Variants in KCND2 observed in about 807,000 individuals in gnomAD.
KCND2 encodes the protein A-type voltage-gated potassium channel KCND2.
A neutral mutation model predicts 54.4 loss-of-function variants in KCND2; 16 were observed. The ratio of observed to expected loss-of-function variants is 0.29; its 90% CI spans 0.20 to 0.45. The LOEUF is 0.45. Ranked by LOEUF, KCND2 falls within the 20% of genes least tolerant of loss-of-function variation. The pLI is 1.00. For missense variants in KCND2, 486 were observed against 824.2 expected (o/e 0.59, Z 5.02); for synonymous variants, 317 against 310.7 (o/e 1.02, Z -0.21).
intron 1 of KCND2, among the ~76,000 whole-genome samples, chr7:120,343,860 T>C (rs1256944612): frequency 6.6e-6 from 1 of 152,220 alleles, no homozygotes; most frequent in Non-Finnish European, 1.5e-5. Flanking sequence ...ATCATATGCA[T>C]GTGCACTTGC....
chr7:120,426,590 T>G (rs1252408808), intron 1 of KCND2, among the ~76,000 whole-genome samples: 12 of 107,974 alleles, frequency 1.1e-4, no homozygotes, highest in African/African-American at 2.3e-4. Flanking sequence ...TTTTCTTTGT[T>G]TTTTTTTTTT....
intron 1 of KCND2, among the ~76,000 whole-genome samples, chr7:120,406,564 G>A (rs1563035958): frequency 6.6e-6 from 1 of 151,940 alleles, no homozygotes; most frequent in Non-Finnish European, 1.5e-5. Flanking sequence ...GTCAACAATA[G>A]AAATATGTAA....
chr7:120,448,105 G>T (rs1465346514), intron 1 of KCND2, among the ~76,000 whole-genome samples: 14 of 152,124 alleles, frequency 9.2e-5, no homozygotes, highest in Non-Finnish European at 1.9e-4. Context: ...GTGTATACAT[G>T]TGCCATGTTG....
At chr7:120,290,836 A>G (rs1056118910) in intron 1 of KCND2, among the ~76,000 whole-genome samples, 2 of 152,018 alleles carry the variant, frequency 1.3e-5, no homozygotes, top group African/African-American at 4.8e-5. Context: ...CAGGGTCACC[A>G]GTAATGGGTG....
At chr7:120,315,123 A>G (rs1231766524) in intron 1 of KCND2, among the ~76,000 whole-genome samples, 4 of 152,194 alleles carry the variant, frequency 2.6e-5, no homozygotes, top group Non-Finnish European at 4.4e-5. Context: ...AAAAAAAAGC[A>G]TCTATTAATA....
intron 1 of KCND2, among the ~76,000 whole-genome samples, chr7:120,424,347 A>G (rs1801670700): frequency 6.6e-6 from 1 of 152,178 alleles, no homozygotes; most frequent in Non-Finnish European, 1.5e-5. Context: ...ACGACATGAG[A>G]TAAAGTATGT....
chr7:120,701,240 T>TAAAAAAAAAAAAAAA lies in KCND2; in HGVS notation c.1116-31641_1116-31627dup, dbSNP rs34803439. 9.1e-5 allele frequency among the ~76,000 whole-genome samples: 5 copies of TAAAAAAAAAAAAAAA among 55,142 alleles called. 1 individual carries two copies. Among genetic ancestry groups the TAAAAAAAAAAAAAAA allele is most frequent in the East Asian group, 1.0e-3 (2 of 1,916 alleles). 36.2% of individuals were successfully genotyped at this position (55,142 alleles called of 152,430 possible). On this transcript the variant is annotated intron_variant, in intron 1 of 5. Transcript: ENST00000331113. ...TAGTTGAATGGCTGTAATGCCTAGC[T>TAAAAAAAAAAAAAAA]AAAAAAAAAAAAAAAAAAAAAAAAA...
At chr7:120,421,024 C>T (rs1043770878) in intron 1 of KCND2, among the ~76,000 whole-genome samples, 4 of 152,090 alleles carry the variant, frequency 2.6e-5, no homozygotes, top group Admixed American at 6.5e-5. Context: ...GTGGCAAGTA[C>T]GTGTATTTGA....
At chr7:120,470,447 G>A (rs922595753) in intron 1 of KCND2, among the ~76,000 whole-genome samples, 3 of 151,850 alleles carry the variant, frequency 2.0e-5, no homozygotes, top group Non-Finnish European at 4.4e-5. Flanking sequence ...TAGTATCAAC[G>A]TCTTCTTTAT....
intron 1 of KCND2, among the ~76,000 whole-genome samples, chr7:120,316,534 T>A (rs1799814954): frequency 6.6e-6 from 1 of 152,248 alleles, no homozygotes; most frequent in African/African-American, 2.4e-5. Context: ...TTTCTATGTG[T>A]AAAAGTTTGG....
intron 1 of KCND2, among the ~76,000 whole-genome samples, chr7:120,526,161 T>C (rs1791770501): frequency 6.6e-6 from 1 of 152,196 alleles, no homozygotes; most frequent in Non-Finnish European, 1.5e-5. Context: ...TATTCTGTTT[T>C]ATGAATTTTC....
At chr7:120,689,025 C>G (rs1236927272) in intron 1 of KCND2, among the ~76,000 whole-genome samples, 1 of 152,102 alleles carries the variant, frequency 6.6e-6, no homozygotes, top group Non-Finnish European at 1.5e-5. Context: ...CCAATTGGTG[C>G]CCCCTCTGCA....
At position 120,524,282 on chromosome 7, in the gene KCND2, T is replaced by C. The variant is rs367721135; in HGVS notation, c.1116-208621T>C. Among the ~76,000 whole-genome samples the C allele has an allele frequency of 9.9e-5, 15 of 151,852 alleles. No homozygotes were observed. In the East Asian group the frequency reaches 2.5e-3, roughly 26 times the overall value. ...ATTGAGGAGAACAACTAAAGATGTA[T>C]ACTAAGAATAATAAGGTAAGGAGCT... is the stretch of plus-strand genomic sequence containing the variant. On this transcript the variant is annotated intron_variant, in intron 1 of 5. Transcript: ENST00000331113.
chr7:120,544,352 G>A (rs1372181170), intron 1 of KCND2, among the ~76,000 whole-genome samples: 1 of 151,828 alleles, frequency 6.6e-6, no homozygotes, highest in African/African-American at 2.4e-5. Context: ...CTTGTACATA[G>A]TTTTGAGCAA....
intron 1 of KCND2, among the ~76,000 whole-genome samples, chr7:120,561,896 G>A (rs190223239): frequency 2.6e-5 from 4 of 152,204 alleles, no homozygotes; most frequent in East Asian, 1.9e-4. Flanking sequence ...ACAGGCATTC[G>A]CCACTGCACC....
chr7:120,526,178 A>G (rs910868709), intron 1 of KCND2, among the ~76,000 whole-genome samples: 3 of 152,158 alleles, frequency 2.0e-5, no homozygotes, highest in African/African-American at 7.2e-5. Flanking sequence ...TTTCATGTAC[A>G]ATTCACCAGA....
intron 1 of KCND2, among the ~76,000 whole-genome samples, chr7:120,579,479 G>C (rs555555608): frequency 6.6e-6 from 1 of 151,762 alleles, no homozygotes; most frequent in African/African-American, 2.4e-5. Context: ...GTGCTTGCCT[G>C]TAATCTCAGC....
intron 1 of KCND2, among the ~76,000 whole-genome samples, chr7:120,491,088 G>A (rs576803796): frequency 6.6e-6 from 1 of 152,222 alleles, no homozygotes; most frequent in South Asian, 2.1e-4. Flanking sequence ...TCATATAGGA[G>A]CATTCAATTG....
At chr7:120,718,235 A>G (rs1792626826) in intron 1 of KCND2, among the ~76,000 whole-genome samples, 1 of 152,146 alleles carries the variant, frequency 6.6e-6, no homozygotes, top group Non-Finnish European at 1.5e-5. Context: ...AGTGGTTTCA[A>G]ACTCTTCTAG....
Sources: allele counts gnomAD v4.1 joint callset (sites outside exome capture counted in the v4.1 genomes callset), GRCh38; gene constraint gnomAD v4.1.1; transcripts MANE v1.5; gene names NCBI Gene and HGNC (gene_info 2026-07-23, HGNC 2026-07-21).